Variants in MAP4K3 observed in about 807,000 individuals in gnomAD.
MAP4K3 encodes mitogen-activated protein kinase kinase kinase kinase 3.
A neutral mutation model predicts 143.5 loss-of-function variants in MAP4K3; 94 were observed. The ratio of observed to expected loss-of-function variants is 0.65; its 90% CI spans 0.55 to 0.78. The LOEUF (loss-of-function observed/expected upper bound fraction) is 0.78, where lower values mean the gene tolerates loss of function less well. Ranked by LOEUF, MAP4K3 falls within the 30% of genes least tolerant of loss-of-function variation. MAP4K3 has a pLI of 0.00. For missense variants in MAP4K3, 1,077 were observed against 1,068.1 expected, an observed-to-expected ratio of 1.01 and a Z score of -0.12; for synonymous variants, 416 against 347.2, an observed-to-expected ratio of 1.20 and a Z score of -2.20.
intron 15 of MAP4K3, chr2:39,303,229 G>A (rs1217961146): frequency 6.0e-6 from 1 of 166,594 alleles, no homozygotes; most frequent in Non-Finnish European, 1.5e-5. Flanking sequence ...AAATAAGGTT[G>A]TTAGTGAGAC....
At chr2:39,304,195 T>G (rs1682611558) in intron 15 of MAP4K3, among the ~76,000 whole-genome samples, 1 of 152,030 alleles carries the variant, frequency 6.6e-6, no homozygotes, top group Middle Eastern at 3.4e-3. Context: ...CACAAAAGTT[T>G]AAATACAACA....
intron 1 of MAP4K3, among the ~76,000 whole-genome samples, chr2:39,384,959 T>C (rs1666456444): frequency 6.6e-6 from 1 of 152,146 alleles, no homozygotes; most frequent in Non-Finnish European, 1.5e-5. Flanking sequence ...ATGACTACAG[T>C]TTTTCTTTTT....
At chr2:39,396,337 C>T (rs1011024281) in intron 1 of MAP4K3, among the ~76,000 whole-genome samples, 1 of 152,088 alleles carries the variant, frequency 6.6e-6, no homozygotes, top group Non-Finnish European at 1.5e-5. Flanking sequence ...CTGCACCCGG[C>T]CTACAAGTAT....
At chr2:39,369,749 T>A (rs1014393601) in intron 2 of MAP4K3, among the ~76,000 whole-genome samples, 1 of 152,202 alleles carries the variant, frequency 6.6e-6, no homozygotes, top group African/African-American at 2.4e-5. Context: ...TTAGGCTACA[T>A]CAGCCACTCT....
chr2:39,250,965 T>G (rs965651998), intron 33 of MAP4K3, among the ~76,000 whole-genome samples: 2 of 152,200 alleles, frequency 1.3e-5, no homozygotes, highest in Admixed American at 1.3e-4. Context: ...TAGAAATTAT[T>G]TGGGGGAACT....
At chr2:39,297,431 T>C (rs1478031099) in intron 16 of MAP4K3, among the ~76,000 whole-genome samples, 7 of 152,146 alleles carry the variant, frequency 4.6e-5, no homozygotes, top group Admixed American at 2.0e-4. Context: ...TGTTTTCTTT[T>C]AAAAATAGTA....
chr2:39,389,644 G>A (rs191193771), intron 1 of MAP4K3, among the ~76,000 whole-genome samples: 1 of 152,142 alleles, frequency 6.6e-6, no homozygotes, highest in East Asian at 1.9e-4. Flanking sequence ...CTGAAAAAAA[G>A]TTAAGTCAGT....
chr2:39,410,681 G>C (rs954139822), intron 1 of MAP4K3, among the ~76,000 whole-genome samples: 1 of 152,132 alleles, frequency 6.6e-6, no homozygotes, highest in East Asian at 1.9e-4. Context: ...CATGGTGGAA[G>C]ACTAAAACTA....
intron 1 of MAP4K3, among the ~76,000 whole-genome samples, chr2:39,378,839 T>C (rs978267937): frequency 2.0e-5 from 3 of 151,730 alleles, no homozygotes; most frequent in Admixed American, 2.0e-4. Flanking sequence ...TAATTATGTA[T>C]ATAAGTACAC....
chr2:39,293,409 C>A, intron 16 of MAP4K3, 141 bp from the exon 17 acceptor site: 1 of 604,044 alleles, frequency 1.7e-6, no homozygotes, highest in South Asian at 2.1e-5. Flanking sequence ...TGCTAGTGAT[C>A]ACCTCTGCAA....
intron 2 of MAP4K3, among the ~76,000 whole-genome samples, chr2:39,375,693 A>G (rs1276726781): frequency 6.6e-6 from 1 of 152,218 alleles, no homozygotes; most frequent in Non-Finnish European, 1.5e-5. Flanking sequence ...TAGTAAATTT[A>G]CCAAGTTGTA....
chr2:39,256,554 C>T (rs948018351), intron 31 of MAP4K3, among the ~76,000 whole-genome samples: 1 of 152,176 alleles, frequency 6.6e-6, no homozygotes, highest in Non-Finnish European at 1.5e-5. Context: ...TACATAAATA[C>T]ATTTTCTGAT....
chr2:39,265,294 T>C lies in MAP4K3; in HGVS notation c.2045A>G (p.Tyr682Cys). The C allele has an allele frequency of 1.2e-6, 2 of 1,609,452 alleles. No individual in the cohort carries two copies. Among genetic ancestry groups the C allele is most frequent in the South Asian group, 2.2e-5 (2 of 90,866 alleles). Residue 682 changes from tyrosine to cysteine, a missense_variant, in exon 28 of 34, where the codon TAC (tyrosine) becomes TGC (cysteine). Physicochemically the swap from Tyr to Cys is radical, Grantham distance 194. This residue lies in a region of MAP4K3 where 864 missense variants were observed against 801.2 expected (regional missense o/e 1.08). Coordinates refer to ENST00000263881, the MANE Select transcript of MAP4K3 (RefSeq NM_003618.4). ...CQKCCVVRNP[Y>C]TGHKYLCGAL... ...TCCACATAGGTATTTATGGCCCGTG[T>C]AAGGATTTCTTACTGTCAAAGCAAA...
intron 2 of MAP4K3, among the ~76,000 whole-genome samples, chr2:39,361,888 C>A (rs1183299009): frequency 6.6e-6 from 1 of 151,614 alleles, no homozygotes; most frequent in Non-Finnish European, 1.5e-5. Flanking sequence ...AGATGTTAAA[C>A]ATGTAGAAGA....
chr2:39,434,481 A>T (rs1414942320), intron 1 of MAP4K3, among the ~76,000 whole-genome samples: 1 of 152,196 alleles, frequency 6.6e-6, no homozygotes, highest in South Asian at 2.1e-4. Flanking sequence ...GACTACATAA[A>T]CAGTGAGACC....
chr2:39,416,002 T>TATATATATATAA (rs1553318623), intron 1 of MAP4K3, among the ~76,000 whole-genome samples: 2 of 91,142 alleles, frequency 2.2e-5, no homozygotes, highest in African/African-American at 9.4e-5. Context: ...TATATATATA[T>TATATATATATAA]ATAAAAATAA....
intron 31 of MAP4K3, among the ~76,000 whole-genome samples, chr2:39,257,226 C>T (rs1418452679): frequency 6.6e-6 from 1 of 152,138 alleles, no homozygotes; most frequent in Non-Finnish European, 1.5e-5. Flanking sequence ...CATTCATTTT[C>T]CCAGCACTAT....
At chr2:39,283,296 C>A (rs1437169359) in intron 21 of MAP4K3, among the ~76,000 whole-genome samples, 2 of 152,192 alleles carry the variant, frequency 1.3e-5, no homozygotes, top group African/African-American at 4.8e-5. Flanking sequence ...CTGGTTCTTT[C>A]TAGTCTCACA....
At chr2:39,305,792 G>C (rs1168267863) in intron 15 of MAP4K3, among the ~76,000 whole-genome samples, 1 of 151,950 alleles carries the variant, frequency 6.6e-6, no homozygotes, top group Non-Finnish European at 1.5e-5. Flanking sequence ...CAAGTTACTA[G>C]GCTAGTTCCA....
Sources: gnomAD v4.1 joint callset for allele counts (sites outside exome capture counted in the v4.1 genomes callset) on GRCh38, gnomAD v4.1.1 for gene constraint, gnomAD v4.1.1 regional missense constraint, MANE v1.5 for transcripts, NCBI Gene and HGNC (gene_info 2026-07-23, HGNC 2026-07-21) for gene names.